The following TRDMT1 variants were observed in gnomAD, a reference collection of about 807,000 sequenced individuals.
TRDMT1 encodes the protein tRNA aspartic acid methyltransferase 1.
TRDMT1 carries 49 observed loss-of-function variants against 51.2 expected under a neutral mutation model. The observed-to-expected ratio is 0.96, with a 90% CI of 0.76 to 1.21. The LOEUF is 1.21. TRDMT1 is among the 50% of genes most tolerant of loss of function. The pLI is 0.00. For missense variants in TRDMT1, 534 were observed against 462.3 expected, an observed-to-expected ratio of 1.16 and a Z score of -1.42; for synonymous variants, 187 against 164.6, an observed-to-expected ratio of 1.14 and a Z score of -1.04.
At chr10:17,150,197 C>T (rs374750112) in intron 10 of TRDMT1, 2 of 174,716 alleles carry the variant, frequency 1.1e-5, no homozygotes, top group African/African-American at 4.8e-5. Flanking sequence ...GAAGTAATAT[C>T]ACATTGTGAT....
chr10:17,160,460 G>T, intron 5 of TRDMT1, 86 bp from the exon 6 acceptor site: 1 of 949,572 alleles, frequency 1.1e-6, no homozygotes, highest in Non-Finnish European at 1.5e-6. Flanking sequence ...GGTTTCTTTT[G>T]TTTGTTTTCT....
intron 1 of TRDMT1, among the ~76,000 whole-genome samples, chr10:17,196,161 T>C (rs1471789471): frequency 2.0e-5 from 3 of 152,224 alleles, no homozygotes; most frequent in East Asian, 3.8e-4. Context: ...GAATAATTAA[T>C]ACGTGACAAA....
intron 1 of TRDMT1, among the ~76,000 whole-genome samples, chr10:17,186,788 G>C (rs1843993654): frequency 6.6e-6 from 1 of 152,148 alleles, no homozygotes. Flanking sequence ...GAATGTCCCA[G>C]AATAGATGAT....
At chr10:17,168,298 G>T (rs1230581039) in intron 3 of TRDMT1, among the ~76,000 whole-genome samples, 3 of 152,004 alleles carry the variant, frequency 2.0e-5, no homozygotes, top group Non-Finnish European at 4.4e-5. Flanking sequence ...GCAAGACCCT[G>T]TCCCAATAAT....
intron 8 of TRDMT1, among the ~76,000 whole-genome samples, chr10:17,155,211 C>G (rs1839335054): frequency 6.8e-6 from 1 of 148,010 alleles, no homozygotes; most frequent in African/African-American, 2.5e-5. Context: ...GAGACTCCAT[C>G]TCAAAAAAAT....
intron 10 of TRDMT1, chr10:17,150,562 T>C: frequency 6.1e-6 from 6 of 985,340 alleles, no homozygotes; most frequent in Non-Finnish European, 7.2e-6. Context: ...ATGTTAGTTA[T>C]AATGGCAGGA....
intron 2 of TRDMT1, 86 bp from the exon 3 acceptor site, chr10:17,169,003 A>G: frequency 2.3e-6 from 2 of 879,876 alleles, no homozygotes; most frequent in South Asian, 1.8e-5. Flanking sequence ...ATAATTAAAT[A>G]TATCAGAAAC....
chr10:17,148,519 G>A lies in TRDMT1; in HGVS notation c.*521C>T. On this transcript the variant is annotated 3_prime_UTR_variant, in exon 11 of 11. Transcript: ENST00000377799. Reference sequence around the variant, plus strand: ...TTCCTGACATATTCTTCAGTCTGCTGTATAAACTGAATGATGATAATTTGG... The same window carrying A: ...TTCCTGACATATTCTTCAGTCTGCTATATAAACTGAATGATGATAATTTGG... 2 of 985,226 alleles carry A rather than the reference G, an allele frequency of 2.0e-6. No homozygotes were observed. Among genetic ancestry groups the A allele is most frequent in the Non-Finnish European group, 2.4e-6 (2 of 829,818 alleles). The allele number at this position is 985,226 out of a possible 1,614,324, so 61.0% of individuals were successfully genotyped here.
intron 10 of TRDMT1, chr10:17,151,965 C>T: frequency 7.9e-7 from 1 of 1,267,210 alleles, no homozygotes; most frequent in Non-Finnish European, 1.0e-6. Flanking sequence ...CTCTGTGCTC[C>T]TTACCAAGGT....
intron 1 of TRDMT1, among the ~76,000 whole-genome samples, chr10:17,186,726 T>C (rs1429599859): frequency 6.6e-6 from 1 of 152,172 alleles, no homozygotes; most frequent in Non-Finnish European, 1.5e-5. Context: ...TATTTATATA[T>C]AGGATAAGTG....
chr10:17,148,499 G>A lies in TRDMT1; in HGVS notation c.*541C>T, dbSNP rs780985553. On this transcript the variant is annotated 3_prime_UTR_variant, in exon 11 of 11. Coordinates refer to ENST00000377799, the MANE Select transcript of TRDMT1 (RefSeq NM_004412.7). ...TCAAACATTTAGGATTATTTTTCCT[G>A]ACATATTCTTCAGTCTGCTGTATAA... is the stretch of plus-strand genomic sequence containing the variant. 7.8e-5 allele frequency: 77 copies of A among 985,216 alleles called. No homozygotes were observed. The highest frequency in any genetic ancestry group is 9.0e-5 in the Non-Finnish European group (75 of 829,918). The allele number at this position is 985,216 out of a possible 1,614,324, so 61.0% of individuals were successfully genotyped here. A position where few individuals can be genotyped will look rare whatever the true frequency, so the allele number is the denominator to read the frequency against.
chr10:17,169,310 C>G lies in TRDMT1; in HGVS notation c.175-393G>C, dbSNP rs184569240. On this transcript the variant is annotated intron_variant, in intron 2 of 10. Transcript: ENST00000377799. ...GTCTAGGAAATTTTTAAATACCTAC[C>G]TGTCAATAATGTTCTTTATTTAGCA... 6.2e-5 allele frequency: 73 copies of G among 1,176,124 alleles called. 1 individual carries two copies. In the East Asian group the frequency reaches 4.2e-3, roughly 67 times the overall value. The allele number at this position is 1,176,124 out of a possible 1,614,324, so 72.9% of individuals were successfully genotyped here. A position where few individuals can be genotyped will look rare whatever the true frequency, so the allele number is the denominator to read the frequency against.
At chr10:17,182,011 A>G (rs1307671135) in intron 1 of TRDMT1, among the ~76,000 whole-genome samples, 1 of 152,216 alleles carries the variant, frequency 6.6e-6, no homozygotes, top group African/African-American at 2.4e-5. Flanking sequence ...TGCCTGAGCC[A>G]GTAAGACTAG....
rs1293036196 is a variant in TRDMT1 at position 17,162,195 on chromosome 10, G to A, written c.294C>T (p.Ser98=). 2 of 1,607,088 alleles carry A rather than the reference G, an allele frequency of 1.2e-6. No individual in the cohort carries two copies. The highest frequency in any genetic ancestry group is 1.7e-4 in the Middle Eastern group (1 of 6,040). ...GGAGAATATCTAGAATATGTAAGAAGCTATTCGTCCTTGAATCAGTCATAT... is the reference window on the plus strand; with the variant it reads ...GGAGAATATCTAGAATATGTAAGAAACTATTCGTCCTTGAATCAGTCATAT... ...QGDMTDSRTN[S]FLHILDILPR... Residue 98 remains serine, a synonymous_variant, in exon 4 of 11, where the codon AGC becomes AGT. Coordinates refer to ENST00000377799, the MANE Select transcript of TRDMT1 (RefSeq NM_004412.7).
chr10:17,175,085 A>G (rs975720682), intron 1 of TRDMT1, among the ~76,000 whole-genome samples: 6 of 152,210 alleles, frequency 3.9e-5, no homozygotes, highest in African/African-American at 1.4e-4. Flanking sequence ...CATTAATACA[A>G]TGTTGCTTCA....
intron 1 of TRDMT1, among the ~76,000 whole-genome samples, chr10:17,198,899 A>T (rs1845791130): frequency 1.3e-5 from 2 of 152,206 alleles, no homozygotes; most frequent in South Asian, 4.1e-4. Context: ...GCTGCTTATT[A>T]TATTATTTAA....
At chr10:17,193,389 T>C (rs1844963970) in intron 1 of TRDMT1, among the ~76,000 whole-genome samples, 1 of 152,106 alleles carries the variant, frequency 6.6e-6, no homozygotes, top group African/African-American at 2.4e-5. Context: ...GATGATATTA[T>C]TTTATACCTA....
chr10:17,173,514 C>A (rs971631002), intron 2 of TRDMT1, among the ~76,000 whole-genome samples: 1 of 152,042 alleles, frequency 6.6e-6, no homozygotes, highest in Non-Finnish European at 1.5e-5. Context: ...GAAAAGAAAG[C>A]AGATCCATTG....
rs375260069 is a variant in TRDMT1, at chr10:17,160,309, G to T, written c.455C>A (p.Thr152Asn). The stretch of plus-strand genomic sequence containing the variant: ...ATTTATAACTGTGATACCTACAGAG[G>T]TTGGAGATAATAGAAACTCTTGGTA... ...FQYQEFLLSP[T>N]SLGIPNSRLR... Residue 152 changes from threonine (T) to asparagine (N), a missense_variant, in exon 6 of 11, where the codon ACC becomes AAC. By Grantham distance (65) the Thr-to-Asn change is moderately conservative. Coordinates refer to ENST00000377799, the MANE Select transcript of TRDMT1 (RefSeq NM_004412.7). The T allele has an allele frequency of 2.4e-5, 38 of 1,556,538 alleles. No individual in the cohort carries two copies. The highest frequency in any genetic ancestry group is 3.3e-5 in the Non-Finnish European group (38 of 1,152,038).
Sources: gnomAD v4.1 joint callset for allele counts (sites outside exome capture counted in the v4.1 genomes callset) on GRCh38, gnomAD v4.1.1 for gene constraint, MANE v1.5 for transcripts, NCBI Gene and HGNC (gene_info 2026-07-23, HGNC 2026-07-21) for gene names.